Variants in POU6F2 observed in about 807,000 individuals in gnomAD.
POU6F2 encodes POU domain, class 6, transcription factor 2.
POU6F2 carries 31 observed loss-of-function variants against 71.3 expected under a neutral mutation model. The observed-to-expected ratio is 0.43, with a 90% CI of 0.33 to 0.59. The LOEUF is 0.59. Among genes scored for constraint, POU6F2 ranks in the 20% least tolerant of loss-of-function variants. POU6F2 has a pLI of 0.04. For missense variants in POU6F2, 783 were observed against 856.8 expected (o/e 0.91, Z 1.07); for synonymous variants, 347 against 355.7 (o/e 0.98, Z 0.27).
chr7:39,299,951 G>A (rs555379215), intron 4 of POU6F2, among the ~76,000 whole-genome samples: 1 of 152,324 alleles, frequency 6.6e-6, no homozygotes, highest in East Asian at 1.9e-4. Flanking sequence ...CCAGGAGGCA[G>A]AGACTCCTTC....
intron 4 of POU6F2, among the ~76,000 whole-genome samples, chr7:39,211,706 T>C (rs549113599): frequency 1.3e-5 from 2 of 152,262 alleles, no homozygotes; most frequent in East Asian, 3.9e-4. Flanking sequence ...CCCAGCCTCA[T>C]TGGAACCTGG....
chr7:39,159,037 G>T (rs1158617546), intron 2 of POU6F2, among the ~76,000 whole-genome samples: 1 of 151,854 alleles, frequency 6.6e-6, no homozygotes. Flanking sequence ...AATTAGCCAG[G>T]TGTGGTGGTG....
At chr7:39,074,719 A>G (rs746379663) in intron 1 of POU6F2, among the ~76,000 whole-genome samples, 22 of 152,096 alleles carry the variant, frequency 1.4e-4, no homozygotes, top group Non-Finnish European at 3.1e-4. Context: ...ATCAGGCAGC[A>G]GATCATGAAT....
chr7:39,230,852 A>T (rs768124760), intron 4 of POU6F2, among the ~76,000 whole-genome samples: 2 of 152,170 alleles, frequency 1.3e-5, no homozygotes, highest in African/African-American at 2.4e-5. Context: ...AGCCCCCCCA[A>T]TGCATCCCAA....
chr7:39,293,473 T>G (rs1583502605), intron 4 of POU6F2, among the ~76,000 whole-genome samples: 1 of 152,102 alleles, frequency 6.6e-6, no homozygotes, highest in African/African-American at 2.4e-5. Context: ...TTACTCCCCT[T>G]GAATTTATTT....
chr7:39,362,257 C>T lies in POU6F2; in HGVS notation c.972+22242C>T, dbSNP rs145603779. ...GCATTTAAGCAATGCCTTTTTATTT[C>T]CTCTTGAAAGCTATCAATGGCCAGA... On this transcript the variant is annotated intron_variant, in intron 5 of 9. Transcript: ENST00000518318. Among the ~76,000 whole-genome samples the T allele has an allele frequency of 1.2e-4, 18 of 150,438 alleles. No individual in the cohort carries two copies. In the East Asian group the frequency reaches 3.5e-3, roughly 29 times the overall value.
chr7:39,356,083 A>T (rs1179222339), intron 5 of POU6F2, among the ~76,000 whole-genome samples: 4 of 152,176 alleles, frequency 2.6e-5, no homozygotes, highest in Admixed American at 2.6e-4. Context: ...AGGCAGAGCT[A>T]TCACCATCTT....
intron 4 of POU6F2, among the ~76,000 whole-genome samples, chr7:39,274,720 TC>T (rs1324050822): frequency 9.9e-6 from 1 of 101,150 alleles, no homozygotes; most frequent in African/African-American, 3.7e-5. Context: ...GTGGGCTTCA[TC>T]CCTGGGATGC....
intron 1 of POU6F2, among the ~76,000 whole-genome samples, chr7:39,048,345 T>C (rs925074397): frequency 6.6e-6 from 1 of 150,666 alleles, no homozygotes. Flanking sequence ...GTTTTTTTTT[T>C]ATCTTCACCC....
At chr7:39,457,824 C>T (rs561405616) in intron 8 of POU6F2, among the ~76,000 whole-genome samples, 2 of 152,238 alleles carry the variant, frequency 1.3e-5, no homozygotes, top group East Asian at 3.9e-4. Context: ...TCCATGCTCA[C>T]ACCCTTGCAA....
chr7:39,232,596 A>G (rs140298578), intron 4 of POU6F2, among the ~76,000 whole-genome samples: 15 of 152,332 alleles, frequency 9.8e-5, no homozygotes, highest in African/African-American at 2.9e-4. Context: ...ATTAATCTGA[A>G]TATTTATATT....
chr7:39,016,787 G>A (rs1364678871), intron 1 of POU6F2, among the ~76,000 whole-genome samples: 1 of 152,114 alleles, frequency 6.6e-6, no homozygotes, highest in Admixed American at 6.6e-5. Context: ...CGTGCTCTCT[G>A]CAGATGGAAC....
At chr7:39,428,660 G>A (rs1045119601) in intron 6 of POU6F2, among the ~76,000 whole-genome samples, 3 of 152,072 alleles carry the variant, frequency 2.0e-5, no homozygotes, top group Admixed American at 2.0e-4. Flanking sequence ...TGGACACTAA[G>A]CAGCATCCTA....
chr7:39,126,563 G>A (rs1792141360), intron 2 of POU6F2, among the ~76,000 whole-genome samples: 1 of 152,144 alleles, frequency 6.6e-6, no homozygotes. Flanking sequence ...AAAATTTGTA[G>A]ATTTCTGCCA....
At chr7:39,187,959 A>G (rs929984758) in intron 2 of POU6F2, among the ~76,000 whole-genome samples, 12 of 152,220 alleles carry the variant, frequency 7.9e-5, no homozygotes, top group African/African-American at 2.9e-4. Context: ...CCTTGTTAGA[A>G]GGCATCCTCT....
intron 1 of POU6F2, among the ~76,000 whole-genome samples, chr7:39,004,008 T>A (rs1205586734): frequency 6.6e-6 from 1 of 152,202 alleles, no homozygotes; most frequent in Admixed American, 6.5e-5. Context: ...AACTTTTCAA[T>A]GAATAGACAT....
intron 7 of POU6F2, among the ~76,000 whole-genome samples, chr7:39,438,197 T>C (rs1253392936): frequency 7.6e-6 from 1 of 131,126 alleles, no homozygotes; most frequent in Non-Finnish European, 1.6e-5. Context: ...CATGCGATGT[T>C]TGGTTTTTTT....
rs553280903 is a variant in POU6F2 at position 39,328,024 on chromosome 7, A to G, written c.599-11618A>G. ...CAACCTCCGTCTCCCAGGTTCAAGC[A>G]ATTCTCCTGCCTCAGCCTCCCAAGT... On this transcript the variant is annotated intron_variant, in intron 4 of 9. Transcript: ENST00000518318. 2.0e-5 allele frequency among the ~76,000 whole-genome samples: 3 copies of G among 152,188 alleles called. No homozygotes were observed. The South Asian group carries it at 6.2e-4, about 32-fold the overall frequency.
At position 39,460,848 on chromosome 7, in the gene POU6F2, T is replaced by C. The variant is rs894769412; in HGVS notation, c.1658+133T>C. The C allele has an allele frequency of 2.1e-5, 23 of 1,112,106 alleles. No individual in the cohort carries two copies. The highest frequency in any genetic ancestry group is 8.8e-5 in the Admixed American group (3 of 34,054). The allele number at this position is 1,112,106 out of a possible 1,614,324, so 68.9% of individuals were successfully genotyped here. A position where few individuals can be genotyped will look rare whatever the true frequency, so the allele number is the denominator to read the frequency against. On this transcript the variant is annotated intron_variant, in intron 9 of 9. Coordinates refer to ENST00000518318, the MANE Select transcript of POU6F2 (RefSeq NM_001370959.1). The surrounding 1 kb of genome is among the most constrained non-coding windows in gnomAD (Gnocchi z 4.4). ...TGGGAACAAAGTTTGGGGGCAGCTA[T>C]ATGTTGGGATTGGTGATCTTGATGC...
Sources: gnomAD v4.1 joint callset for allele counts (sites outside exome capture counted in the v4.1 genomes callset) on GRCh38, gnomAD v4.1.1 for gene constraint, Gnocchi (gnomAD v3.1) non-coding constraint, MANE v1.5 for transcripts, NCBI Gene and HGNC (gene_info 2026-07-23, HGNC 2026-07-21) for gene names.